Variants in KAZN observed in about 807,000 individuals in gnomAD.
KAZN encodes kazrin, periplakin interacting protein, also known as kazrin.
In KAZN, 40 loss-of-function variants were observed where a neutral mutation model predicts 87.4. The ratio of observed to expected loss-of-function variants is 0.46; its 90% CI spans 0.36 to 0.60. The LOEUF (loss-of-function observed/expected upper bound fraction) is 0.60. KAZN is among the 20% of genes least tolerant of loss of function. The pLI, the probability that KAZN is intolerant of heterozygous loss-of-function variation, is 0.00. For missense variants in KAZN, 898 were observed against 1,073.9 expected (o/e 0.84, Z 2.29); for synonymous variants, 466 against 458.3 (o/e 1.02, Z -0.22).
intron 2 of KAZN, among the ~76,000 whole-genome samples, chr1:14,257,387 T>A (rs1474397802): frequency 6.9e-6 from 1 of 145,314 alleles, no homozygotes; most frequent in African/African-American, 2.6e-5. Context: ...GTCAGATGAG[T>A]AGGTTGCGAA....
intron 1 of KAZN, among the ~76,000 whole-genome samples, chr1:14,875,645 T>C (rs1652686639): frequency 6.6e-6 from 1 of 152,114 alleles, no homozygotes. Context: ...TGAGAGCCAA[T>C]AGTTACATTT....
At chr1:14,174,133 T>G (rs887372634) in intron 1 of KAZN, among the ~76,000 whole-genome samples, 1 of 152,152 alleles carries the variant, frequency 6.6e-6, no homozygotes, top group Non-Finnish European at 1.5e-5. Flanking sequence ...GGGTACACAC[T>G]GAATAGACAA....
chr1:14,687,740 C>T (rs896768832), intron 1 of KAZN, among the ~76,000 whole-genome samples: 4 of 152,240 alleles, frequency 2.6e-5, no homozygotes, highest in Admixed American at 6.5e-5. Context: ...GCAGGGGACT[C>T]GGATGATTTA....
At chr1:14,086,933 G>A (rs1243528954) in intron 1 of KAZN, among the ~76,000 whole-genome samples, 1 of 152,138 alleles carries the variant, frequency 6.6e-6, no homozygotes. Context: ...GATATCTTCA[G>A]CTTTATAATA....
chr1:13,974,066 G>A (rs539471782), intron 1 of KAZN, among the ~76,000 whole-genome samples: 2 of 152,364 alleles, frequency 1.3e-5, no homozygotes, highest in East Asian at 1.9e-4. Context: ...TCGCTCAGGG[G>A]AGTCACATGG....
intron 2 of KAZN, among the ~76,000 whole-genome samples, chr1:14,555,287 G>A (rs1673794999): frequency 1.3e-5 from 2 of 152,212 alleles, no homozygotes; most frequent in African/African-American, 2.4e-5. Context: ...AGTGACTCAA[G>A]GCACACAGTC....
chr1:15,050,590 T>C (rs16851179), intron 4 of KAZN, among the ~76,000 whole-genome samples: 23,662 of 152,192 alleles, frequency 0.16, 3,724 homozygotes, highest in African/African-American at 0.41. Flanking sequence ...CCCTTGTGCC[T>C]GTTCTCAGCT....
intron 2 of KAZN, 114 bp downstream of exon 2, chr1:14,960,989 A>G (rs1663791782): frequency 8.9e-7 from 1 of 1,122,446 alleles, no homozygotes; most frequent in African/African-American, 1.6e-5. Flanking sequence ...CCCAGCACCC[A>G]CCTCCAGCTG....
chr1:14,713,870 C>T (rs1363063323), intron 1 of KAZN, among the ~76,000 whole-genome samples: 1 of 151,274 alleles, frequency 6.6e-6, no homozygotes, highest in Non-Finnish European at 1.5e-5. Context: ...CGGGGAGGAT[C>T]GCTTGAGCCC....
chr1:14,011,189 T>A (rs1206672006), intron 1 of KAZN, among the ~76,000 whole-genome samples: 1 of 152,192 alleles, frequency 6.6e-6, no homozygotes, highest in East Asian at 1.9e-4. Context: ...CTGAGAAAGT[T>A]AGACTTAGAA....
Position 14,457,829 on chromosome 1 carries a change from T to G in KAZN, c.250-141154T>G, listed in dbSNP as rs574606263. ...TTGTTGTTGTTTTTTGTTTTGTTTT[T>G]TTTTTTGAAACGGAATCTCGCTGTG... On this transcript the variant is annotated intron_variant, in intron 2 of 16. Coordinates refer to the KAZN transcript ENST00000636203. Among the ~76,000 whole-genome samples, 4 of 151,870 alleles carry G rather than the reference T, an allele frequency of 2.6e-5. No homozygotes were observed. The East Asian group carries it at 5.8e-4, about 22-fold the overall frequency.
intron 1 of KAZN, among the ~76,000 whole-genome samples, chr1:14,727,025 T>C (rs1463335041): frequency 6.6e-6 from 1 of 152,176 alleles, no homozygotes; most frequent in Non-Finnish European, 1.5e-5. Flanking sequence ...GCTTGCACTT[T>C]GACAAGTGCT....
At chr1:13,978,652 G>A (rs1249413118) in intron 1 of KAZN, among the ~76,000 whole-genome samples, 1 of 152,000 alleles carries the variant, frequency 6.6e-6, no homozygotes, top group Non-Finnish European at 1.5e-5. Context: ...TGAAAGTGTA[G>A]AGAGAAAAAG....
chr1:14,458,141 A>G (rs2148344314), intron 2 of KAZN, among the ~76,000 whole-genome samples: 3 of 152,150 alleles, frequency 2.0e-5, no homozygotes, highest in Admixed American at 2.0e-4. Context: ...ATATTCTTAA[A>G]CAAATTCTCA....
At chr1:14,131,556 G>A (rs1644993065) in intron 1 of KAZN, among the ~76,000 whole-genome samples, 1 of 152,002 alleles carries the variant, frequency 6.6e-6, no homozygotes, top group Non-Finnish European at 1.5e-5. Flanking sequence ...ATTATGGGGA[G>A]CTCAATACTT....
chr1:14,187,772 T>C (rs888276370), intron 2 of KAZN, among the ~76,000 whole-genome samples: 3 of 152,230 alleles, frequency 2.0e-5, no homozygotes, highest in African/African-American at 4.8e-5. Context: ...AGTGTCAAGA[T>C]TGAGAAACCC....
At chr1:14,296,633 T>C (rs1382547939) in intron 2 of KAZN, among the ~76,000 whole-genome samples, 2 of 141,808 alleles carry the variant, frequency 1.4e-5, no homozygotes, top group African/African-American at 2.7e-5. Context: ...GTATTTCTTT[T>C]TTTTTTTTTT....
intron 1 of KAZN, among the ~76,000 whole-genome samples, chr1:14,824,683 T>G (rs903417337): frequency 8.5e-5 from 13 of 152,224 alleles, no homozygotes; most frequent in African/African-American, 3.1e-4. Flanking sequence ...TTTATGTTAC[T>G]GTGATCATCA....
intron 1 of KAZN, among the ~76,000 whole-genome samples, chr1:14,165,500 T>C (rs554579537): frequency 1.3e-5 from 2 of 152,306 alleles, no homozygotes; most frequent in East Asian, 3.9e-4. Context: ...CTAATTCTCA[T>C]TTGCATGCAG....
Sources: gnomAD v4.1 joint callset for allele counts (sites outside exome capture counted in the v4.1 genomes callset) on GRCh38, gnomAD v4.1.1 for gene constraint, MANE v1.5 for transcripts, NCBI Gene and HGNC (gene_info 2026-07-23, HGNC 2026-07-21) for gene names.